The following TMEM132D variants were observed in gnomAD, a reference collection of about 807,000 sequenced individuals.
TMEM132D encodes transmembrane protein 132D.
In TMEM132D, 21 loss-of-function variants were observed where a neutral mutation model predicts 62.3. The ratio of observed to expected loss-of-function variants is 0.34; its 90% CI spans 0.24 to 0.49. The LOEUF (loss-of-function observed/expected upper bound fraction) is 0.49, where lower values mean the gene tolerates loss of function less well. TMEM132D is among the 20% of genes least tolerant of loss of function. TMEM132D has a pLI of 0.99. For synonymous variants in TMEM132D, 621 were observed against 575.6 expected, an observed-to-expected ratio of 1.08 and a Z score of -1.13; for missense variants, 1,346 against 1,402.8, an observed-to-expected ratio of 0.96 and a Z score of 0.65.
chr12:129,749,297 C>A (rs1869920808), intron 1 of TMEM132D, among the ~76,000 whole-genome samples: 1 of 152,188 alleles, frequency 6.6e-6, no homozygotes, highest in Non-Finnish European at 1.5e-5. Context: ...CCTCGCTGAA[C>A]TACGATTGCC....
At chr12:129,520,054 G>A (rs1479266676) in intron 3 of TMEM132D, among the ~76,000 whole-genome samples, 2 of 152,200 alleles carry the variant, frequency 1.3e-5, no homozygotes, top group African/African-American at 4.8e-5. Context: ...ATCTTGTACA[G>A]TACTGTTTTT....
chr12:129,272,372 T>C (rs1037021080), intron 4 of TMEM132D, among the ~76,000 whole-genome samples: 1 of 151,846 alleles, frequency 6.6e-6, no homozygotes, highest in Non-Finnish European at 1.5e-5. Flanking sequence ...ACTGTAATAC[T>C]GGAGAGTCAC....
At chr12:129,128,717 A>G (rs1355069641) in intron 5 of TMEM132D, among the ~76,000 whole-genome samples, 1 of 152,156 alleles carries the variant, frequency 6.6e-6, no homozygotes, top group Non-Finnish European at 1.5e-5. Context: ...CGCTGTACCC[A>G]ATAGGTAACT....
chr12:129,801,453 T>A (rs1282446922), intron 1 of TMEM132D, among the ~76,000 whole-genome samples: 3 of 151,728 alleles, frequency 2.0e-5, no homozygotes, highest in Admixed American at 6.6e-5. Context: ...GGCAGGGTAT[T>A]CCAACAGACC....
Position 129,167,019 on chromosome 12 carries a change from GCA to G in TMEM132D, c.1443+42499_1443+42500del, listed in dbSNP as rs1264526539. On this transcript the variant is annotated intron_variant, in intron 5 of 8. Transcript: ENST00000422113. ...TCTCTACTGAAAATACAAAAATTAG[GCA>G]TGTTGGTGCATGCCTGTGGGCCCAG... 1.4e-4 allele frequency among the ~76,000 whole-genome samples: 21 copies of G among 152,014 alleles called. No individual in the cohort carries two copies. The East Asian group carries it at 3.7e-3, about 27-fold the overall frequency.
At chr12:129,531,448 C>A (rs73155257) in intron 2 of TMEM132D, among the ~76,000 whole-genome samples, 18,581 of 152,118 alleles carry the variant, frequency 0.12, 1,552 homozygotes, top group Admixed American at 0.26. Context: ...ACATTAGTTA[C>A]AGAAAGAAAT....
chr12:129,517,165 G>A (rs180726177), intron 3 of TMEM132D, among the ~76,000 whole-genome samples: 1 of 152,258 alleles, frequency 6.6e-6, no homozygotes, highest in Non-Finnish European at 1.5e-5. Context: ...GGGAGTGGGA[G>A]TGGGAGGTAT....
At chr12:129,201,112 A>G (rs1384234937) in intron 5 of TMEM132D, among the ~76,000 whole-genome samples, 1 of 152,252 alleles carries the variant, frequency 6.6e-6, no homozygotes, top group African/African-American at 2.4e-5. Context: ...GTAGGGCTAC[A>G]GCCCCCTTTG....
At chr12:129,409,572 A>C (rs1315657856) in intron 3 of TMEM132D, among the ~76,000 whole-genome samples, 1 of 152,192 alleles carries the variant, frequency 6.6e-6, no homozygotes, top group African/African-American at 2.4e-5. Context: ...CATTCGTGTA[A>C]ATTATGAATT....
At chr12:129,742,553 C>G (rs1869643271) in intron 1 of TMEM132D, among the ~76,000 whole-genome samples, 1 of 152,208 alleles carries the variant, frequency 6.6e-6, no homozygotes, top group Non-Finnish European at 1.5e-5. Context: ...TACACACATT[C>G]AAACCATATC....
At chr12:129,116,119 C>G (rs1235018022) in intron 5 of TMEM132D, among the ~76,000 whole-genome samples, 1 of 152,214 alleles carries the variant, frequency 6.6e-6, no homozygotes, top group Non-Finnish European at 1.5e-5. Context: ...AAGACCTTAC[C>G]CAGAGAAGTC....
chr12:129,374,870 G>A (rs73422456), intron 3 of TMEM132D, among the ~76,000 whole-genome samples: 6,992 of 152,244 alleles, frequency 0.046, 180 homozygotes, highest in East Asian at 0.069. Context: ...AACTGTACTT[G>A]GGTGGGGCCT....
chr12:129,661,799 C>T (rs1880243934), intron 2 of TMEM132D, among the ~76,000 whole-genome samples: 1 of 152,038 alleles, frequency 6.6e-6, no homozygotes, highest in African/African-American at 2.4e-5. Context: ...TACAAATCTG[C>T]CCTCATTTGA....
chr12:129,528,928 A>G (rs1280693959), intron 3 of TMEM132D, among the ~76,000 whole-genome samples: 1 of 152,260 alleles, frequency 6.6e-6, no homozygotes, highest in African/African-American at 2.4e-5. Flanking sequence ...TTGTCTATCA[A>G]CAAAACACCT....
intron 2 of TMEM132D, among the ~76,000 whole-genome samples, chr12:129,569,430 G>A (rs1877452708): frequency 6.6e-6 from 1 of 152,154 alleles, no homozygotes; most frequent in South Asian, 2.1e-4. Flanking sequence ...AAGTATGTAA[G>A]TGCCACCATC....
At chr12:129,776,705 T>G (rs111646011) in intron 1 of TMEM132D, among the ~76,000 whole-genome samples, 1 of 18,376 alleles carries the variant, frequency 5.4e-5, no homozygotes, top group Non-Finnish European at 4.8e-4. Context: ...TAACCATTTA[T>G]GCAAGTTCTA....
At chr12:129,708,858 T>C (rs1593129286) in intron 1 of TMEM132D, among the ~76,000 whole-genome samples, 1 of 152,224 alleles carries the variant, frequency 6.6e-6, no homozygotes, top group African/African-American at 2.4e-5. Flanking sequence ...AGCTTTACAG[T>C]TGAGGAGACA....
chr12:129,127,212 T>C (rs1196195647), intron 5 of TMEM132D, among the ~76,000 whole-genome samples: 1 of 152,108 alleles, frequency 6.6e-6, no homozygotes, highest in Non-Finnish European at 1.5e-5. Flanking sequence ...TTTTTTTCAA[T>C]CACTCATAGC....
At chr12:129,418,690 C>A (rs997004603) in intron 3 of TMEM132D, among the ~76,000 whole-genome samples, 2 of 152,154 alleles carry the variant, frequency 1.3e-5, no homozygotes, top group South Asian at 4.1e-4. Context: ...AACAAACCTG[C>A]ACATTCTGCA....
Sources: allele counts gnomAD v4.1 joint callset (sites outside exome capture counted in the v4.1 genomes callset), GRCh38; gene constraint gnomAD v4.1.1; transcripts MANE v1.5; gene names NCBI Gene and HGNC (gene_info 2026-07-23, HGNC 2026-07-21).